The following ENPP2 variants were observed in gnomAD, a reference collection of about 807,000 sequenced individuals.
ENPP2 encodes the protein ectonucleotide pyrophosphatase/phosphodiesterase 2.
A neutral mutation model predicts 120.2 loss-of-function variants in ENPP2; 51 were observed. That is an observed-to-expected ratio of 0.42 (90% confidence interval 0.34 to 0.54). The LOEUF (loss-of-function observed/expected upper bound fraction) is 0.54. ENPP2 is among the 20% of genes least tolerant of loss of function. The pLI is 0.04. For missense variants in ENPP2, 920 were observed against 1,066.5 expected, an observed-to-expected ratio of 0.86 and a Z score of 1.91; for synonymous variants, 365 against 366.4, an observed-to-expected ratio of 1.00 and a Z score of 0.04.
chr8:119,639,721 AT>A (rs1179694850), upstream of ENPP2, among the ~76,000 whole-genome samples: 1 of 152,180 alleles, frequency 6.6e-6, no homozygotes, highest in Non-Finnish European at 1.5e-5. Flanking sequence ...AAGAATTGAA[AT>A]GTCAAGAATT....
Position 119,616,321 on chromosome 8 carries a change from T to C in ENPP2, c.721A>G (p.Thr241Ala). Residue 241 changes from threonine (T) to alanine (A), a missense_variant, in exon 8 of 25, where the codon ACT (threonine) becomes GCT (alanine). Physicochemically the swap from Thr to Ala is moderately conservative, Grantham distance 58. Coordinates refer to ENST00000075322, the MANE Select transcript of ENPP2 (RefSeq NM_001040092.3). Reference protein sequence around the residue: ...NSMYDPVFDATFHLRGREKFN... With the variant: ...NSMYDPVFDAAFHLRGREKFN... ...TTCTCTCGCCCTCGCAGATGAAAAG[T>C]GGCATCAAATACAGGATCATACATT... 6.2e-7 allele frequency: 1 copy of C among 1,609,520 alleles called. No homozygotes were observed. Among genetic ancestry groups the C allele is most frequent in the Non-Finnish European group, 8.5e-7 (1 of 1,176,484 alleles).
At chr8:119,645,387 G>T (rs902774167) in intron 1 of ENPP2, among the ~76,000 whole-genome samples, 4 of 152,104 alleles carry the variant, frequency 2.6e-5, no homozygotes, top group Non-Finnish European at 5.9e-5. Context: ...CTTGTTTCTT[G>T]CCAGACACCA....
At chr8:119,579,996 T>C in intron 19 of ENPP2, 120 bp downstream of exon 19, 1 of 763,352 alleles carries the variant, frequency 1.3e-6, no homozygotes, top group Non-Finnish European at 2.3e-6. Flanking sequence ...GAAAGTCACT[T>C]TGAAATACAA....
chr8:119,586,016 A>G (rs542826558), intron 15 of ENPP2, among the ~76,000 whole-genome samples, 170 bp downstream of exon 15: 3 of 152,258 alleles, frequency 2.0e-5, no homozygotes, highest in South Asian at 2.1e-4. Context: ...CAGAACATAG[A>G]GATATATTGT....
rs747959051 is a variant in ENPP2 at position 119,564,917 on chromosome 8, A to T, written c.2170T>A (p.Tyr724Asn). Residue 724 changes from tyrosine (Y) to asparagine (N), a missense_variant, in exon 23 of 25, where the codon TAT becomes AAT. By Grantham distance (143) the Tyr-to-Asn change is moderately radical. Transcript: ENST00000075322. ...TTAACTCCATTTCTTTCCGAAGCAT[A>T]TTTCTTCACCAATACCCTTTGGAAA... ...NYFQRVLVKK[Y>N]ASERNGVNVI... 1 of 1,613,464 alleles carries T rather than the reference A, an allele frequency of 6.2e-7. No individual in the cohort carries two copies. Among genetic ancestry groups the T allele is most frequent in the Admixed American group, 1.7e-5 (1 of 59,998 alleles).
In ENPP2 at chr8:119,607,983, G is replaced by A. The variant is rs1430046404; in HGVS notation, c.778-6C>T. 6.2e-7 allele frequency: 1 copy of A among 1,601,288 alleles called. No homozygotes were observed. Among genetic ancestry groups the A allele is most frequent in the Admixed American group, 1.7e-5 (1 of 58,004 alleles). On this transcript the variant is annotated splice_polypyrimidine_tract_variant and splice_region_variant and intron_variant, in intron 8 of 24. Coordinates refer to ENST00000075322, the MANE Select transcript of ENPP2 (RefSeq NM_001040092.3). ...TTGGTGGCTGTAATCCATAGCTAAT[G>A]AGGAAAATATAAGCGGCTTAAAATG...
intron 19 of ENPP2, among the ~76,000 whole-genome samples, chr8:119,574,321 C>T (rs1164392551): frequency 1.3e-5 from 2 of 151,514 alleles, no homozygotes; most frequent in African/African-American, 4.9e-5. Flanking sequence ...TATCTCGAGA[C>T]CAGCAACCCT....
chr8:119,557,820 T>C, intron 24 of ENPP2, 129 bp from the exon 25 acceptor site: 1 of 656,196 alleles, frequency 1.5e-6, no homozygotes, highest in Non-Finnish European at 2.4e-6. Context: ...ATGTTGATCC[T>C]TCCTGGCCTC....
intron 20 of ENPP2, among the ~76,000 whole-genome samples, chr8:119,569,738 T>TG (rs1814799066): frequency 2.2e-5 from 2 of 90,760 alleles, no homozygotes; most frequent in Non-Finnish European, 4.4e-5. Context: ...AATAGACTAT[T>TG]TATCTGTGTG....
At chr8:119,668,399 TTTTTTC>T (rs1263028275) in intron 1 of ENPP2, among the ~76,000 whole-genome samples, 111 of 150,102 alleles carry the variant, frequency 7.4e-4, no homozygotes, top group African/African-American at 1.6e-3. Context: ...TCTATACTTT[TTTTTTC>T]TTTTTCTTTT....
At chr8:119,636,144 T>A (rs1432911823) in intron 2 of ENPP2, among the ~76,000 whole-genome samples, 1 of 152,236 alleles carries the variant, frequency 6.6e-6, no homozygotes, top group Non-Finnish European at 1.5e-5. Context: ...CCACCTAGTG[T>A]CTTATTCTTA....
intron 6 of ENPP2, 56 bp downstream of exon 6, chr8:119,617,410 G>T: frequency 7.8e-7 from 1 of 1,285,068 alleles, no homozygotes; most frequent in Non-Finnish European, 1.1e-6. Context: ...CAGCCCACTG[G>T]TTAGTGTGGA....
rs776304212 is a variant in ENPP2, at chr8:119,617,519, C to T, written c.524G>A (p.Arg175His). Residue 175 changes from arginine (R) to histidine (H), a missense_variant, in exon 6 of 25, where the codon CGT becomes CAT. Transcript: ENST00000075322. The part of the protein sequence containing the change: ...PLIIFSVDGF[R>H]ASYMKKGSKV... ...GCTGCCTTTCTTCATGTATGATGCA[C>T]GGAAGCCATCCACGGAGAAGATGAT... 12 of 1,613,524 alleles carry T rather than the reference C, an allele frequency of 7.4e-6. No homozygotes were observed. Among genetic ancestry groups the T allele is most frequent in the Admixed American group, 1.7e-5 (1 of 59,972 alleles).
rs566202012 is a variant in ENPP2 at position 119,582,491 on chromosome 8, T to G, written c.1655A>C (p.Asn552Thr). ...CTGAAGGTACATAATCCCTGGATAA[T>G]TGGGTCTGGTAACTTCCTCTGGCAT... ...PTMPEEVTRP[N>T]YPGIMYLQSD... Residue 552 changes from asparagine to threonine, a missense_variant, in exon 18 of 25, where the codon AAT becomes ACT. By Grantham distance (65) the Asn-to-Thr change is moderately conservative (BLOSUM62 0). Coordinates refer to ENST00000075322, the MANE Select transcript of ENPP2 (RefSeq NM_001040092.3). 5 of 1,614,004 alleles carry G rather than the reference T, an allele frequency of 3.1e-6. No homozygotes were observed. The highest frequency in any genetic ancestry group is 1.6e-4 in the Middle Eastern group (1 of 6,084).
chr8:119,599,250 A>G (rs1342515023), intron 11 of ENPP2, among the ~76,000 whole-genome samples: 1 of 152,234 alleles, frequency 6.6e-6, no homozygotes, highest in Admixed American at 6.5e-5. Context: ...ATTTAAGACT[A>G]AGAGTGGTTT....
intron 17 of ENPP2, among the ~76,000 whole-genome samples, chr8:119,582,895 C>G (rs527339445): frequency 3.3e-5 from 5 of 152,312 alleles, no homozygotes; most frequent in African/African-American, 1.2e-4. Flanking sequence ...TTAACTATTG[C>G]CTGTATCTGC....
chr8:119,622,086 G>C (rs934588448), intron 3 of ENPP2, among the ~76,000 whole-genome samples: 1 of 152,076 alleles, frequency 6.6e-6, no homozygotes, highest in Non-Finnish European at 1.5e-5. Flanking sequence ...ATGCCATCAC[G>C]TCTGGCTAAT....
At chr8:119,644,625 T>TATATATACAC (rs1327738777) in intron 1 of ENPP2, among the ~76,000 whole-genome samples, 9 of 74,306 alleles carry the variant, frequency 1.2e-4, no homozygotes, top group African/African-American at 2.5e-4. Context: ...TATATATATA[T>TATATATACAC]ACACACACAC....
intron 9 of ENPP2, among the ~76,000 whole-genome samples, chr8:119,604,801 T>A (rs569623786): frequency 6.6e-6 from 1 of 152,228 alleles, no homozygotes; most frequent in Admixed American, 6.5e-5. Flanking sequence ...TGAGATGGAG[T>A]CTTGCTCTGT....
Sources: gnomAD v4.1 joint callset for allele counts (sites outside exome capture counted in the v4.1 genomes callset) on GRCh38, gnomAD v4.1.1 for gene constraint, MANE v1.5 for transcripts, NCBI Gene and HGNC (gene_info 2026-07-23, HGNC 2026-07-21) for gene names.